COL6A6: variants seen among roughly 807,000 people sequenced by gnomAD.
COL6A6 encodes the protein collagen type VI alpha 6 chain.
A neutral mutation model predicts 208.6 loss-of-function variants in COL6A6; 183 were observed. That is an observed-to-expected ratio of 0.88 (90% CI 0.78 to 0.99). COL6A6 has a LOEUF of 0.99. Ranked by LOEUF, COL6A6 falls within the 50% of genes least tolerant of loss-of-function variation. The probability of loss-of-function intolerance (pLI) is 0.00; values close to 1 mark genes in which losing one functional copy is unlikely to be tolerated. For missense variants in COL6A6, 2,816 were observed against 2,815.2 expected (o/e 1.00, Z -0.01); for synonymous variants, 973 against 1,011.8 (o/e 0.96, Z 0.73).
chr3:130,671,485 C>A (rs753389336), intron 36 of COL6A6, among the ~76,000 whole-genome samples: 7 of 152,152 alleles, frequency 4.6e-5, no homozygotes, highest in African/African-American at 7.2e-5. Context: ...GACATGAAAT[C>A]CATACCACTG....
chr3:130,565,227 C>T lies in COL6A6; in HGVS notation c.895C>T (p.Leu299Phe). 5 of 1,614,010 alleles carry T rather than the reference C, an allele frequency of 3.1e-6. No homozygotes were observed. Among genetic ancestry groups the T allele is most frequent in the South Asian group, 1.1e-5 (1 of 91,084 alleles). The change falls in exon 4 of 37, where the codon CTT (leucine) becomes TTT (phenylalanine). Residue 299 changes from leucine (L) to phenylalanine (F), a missense_variant. Leu to Phe is a conservative substitution (Grantham distance 22). Transcript: ENST00000358511. ...KSEVLQHIQNLSPRTGKAYTG... is the reference protein window; with the variant it reads ...KSEVLQHIQNFSPRTGKAYTG... ...AGAGGTTCTCCAGCATATACAGAAC[C>T]TTTCTCCCCGAACTGGGAAGGCCTA...
Position 130,594,303 on chromosome 3 carries a change from C to T in COL6A6, c.4493C>T (p.Thr1498Ile), listed in dbSNP as rs2108092880. 1 of 1,613,356 alleles carries T rather than the reference C, an allele frequency of 6.2e-7. No individual in the cohort carries two copies. The highest frequency in any genetic ancestry group is 1.1e-5 in the South Asian group (1 of 91,010). Residue 1498 changes from threonine (T) to isoleucine (I), a missense_variant, in exon 18 of 37, where the codon ACT becomes ATT. By Grantham distance (89) the Thr-to-Ile change is moderately conservative. Coordinates refer to ENST00000358511, the MANE Select transcript of COL6A6 (RefSeq NM_001102608.3). ...TAGGGAAGCCCAGGGAAGAGAGGGA[C>T]TCCTGGTGACCGTGGAGCAAAGGGC... is the stretch of plus-strand genomic sequence containing the variant. ...GSQGSPGKRG[T>I]PGDRGAKGLR...
In COL6A6 at chr3:130,571,227, G is replaced by A. The variant is rs758585053; in HGVS notation, c.2811G>A (p.Arg937=). The stretch of plus-strand genomic sequence containing the variant: ...TCAATGCCACGGCAAAGGCCTTGCG[G>A]GACAAAGGCATTCTTGTCCTGGCTG... The part of the protein sequence containing the change: ...DKLNATAKAL[R]DKGILVLAVG... Residue 937 remains arginine, a synonymous_variant, in exon 7 of 37, where the codon CGG becomes CGA. Coordinates refer to ENST00000358511, the MANE Select transcript of COL6A6 (RefSeq NM_001102608.3). 1 of 1,613,988 alleles carries A rather than the reference G, an allele frequency of 6.2e-7. No homozygotes were observed.
In COL6A6 at chr3:130,517,351, G is replaced by A. The variant is rs551924289; in HGVS notation, c.-78G>A. On this transcript the variant is annotated 5_prime_UTR_variant, in exon 1 of 37. Transcript: ENST00000358511. ...TGCGCGTCCAGAGGAAATCCGCCCC[G>A]GGCTTTCGAAGTGCAGGGCTGGGGG... is the stretch of plus-strand genomic sequence containing the variant. 4.9e-4 allele frequency among the ~76,000 whole-genome samples: 75 copies of A among 152,366 alleles called. No homozygotes were observed. Among genetic ancestry groups the A allele is most frequent in the Admixed American group, 8.5e-4 (13 of 15,306 alleles).
In COL6A6 at chr3:130,566,934, T is replaced by G. The variant is rs756964248; in HGVS notation, c.1515T>G (p.Asn505Lys). ...AGGATTTGGGAAAGGCCATTGAGAATATCAGGCAGATGGGTGGGAATACAA... is the reference window on the plus strand; with the variant it reads ...AGGATTTGGGAAAGGCCATTGAGAAGATCAGGCAGATGGGTGGGAATACAA... ...NKQDLGKAIENIRQMGGNTNT... is the reference protein window; with the variant it reads ...NKQDLGKAIEKIRQMGGNTNT... Residue 505 changes from asparagine (N) to lysine (K), a missense_variant, in exon 5 of 37, where the codon AAT becomes AAG. Coordinates refer to ENST00000358511, the MANE Select transcript of COL6A6 (RefSeq NM_001102608.3). 6.2e-7 allele frequency: 1 copy of G among 1,613,936 alleles called. No homozygotes were observed. The highest frequency in any genetic ancestry group is 1.1e-5 in the South Asian group (1 of 91,082).
intron 12 of COL6A6, among the ~76,000 whole-genome samples, chr3:130,590,299 ATTTTTTTTTTTTTTTTTTT>A (rs71133610): frequency 0.011 from 101 of 9,158 alleles, 2 homozygotes; most frequent in East Asian, 0.038. Context: ...ATATATATAT[ATTTTTTTTTTTTTTTTTTT>A]TTTTTTTTTT....
In COL6A6 at chr3:130,535,114, T is replaced by C. The variant is rs140371825; in HGVS notation, c.-32+17717T>C. Among the ~76,000 whole-genome samples, 438 of 78,524 alleles carry C rather than the reference T, an allele frequency of 5.6e-3. 5 individuals carry two copies. Among genetic ancestry groups the C allele is most frequent in the African/African-American group, 0.011 (419 of 36,484 alleles). 51.5% of individuals were successfully genotyped at this position (78,524 alleles called of 152,430 possible). A position where few individuals can be genotyped will look rare whatever the true frequency, so the allele number is the denominator to read the frequency against. On this transcript the variant is annotated intron_variant, in intron 1 of 36. Coordinates refer to ENST00000358511, the MANE Select transcript of COL6A6 (RefSeq NM_001102608.3). Reference sequence around the variant, plus strand: ...CCATGACCTCCTCAGACATTGCCTCTCATTCTCTTTTTTCCCCCTCACTAT... The same window carrying C: ...CCATGACCTCCTCAGACATTGCCTCCCATTCTCTTTTTTCCCCCTCACTAT...
rs777867254 is a variant in COL6A6 at position 130,565,401 on chromosome 3, C to A, written c.1069C>A (p.Arg357=). ...NVTKAAVNLR[R]EGVTIFTLGI... ...GACAAAAGCAGCTGTTAACCTCCGACGGGAGGGTGTGACCATCTTCACCCT... is the reference window on the plus strand; with the variant it reads ...GACAAAAGCAGCTGTTAACCTCCGAAGGGAGGGTGTGACCATCTTCACCCT... Residue 357 remains arginine, a synonymous_variant, in exon 4 of 37, where the codon CGG becomes AGG. Transcript: ENST00000358511. The A allele has an allele frequency of 1.2e-6, 2 of 1,613,886 alleles. No individual in the cohort carries two copies. The highest frequency in any genetic ancestry group is 1.7e-6 in the Non-Finnish European group (2 of 1,179,868).
chr3:130,668,860 A>G (rs1482085991), intron 36 of COL6A6, among the ~76,000 whole-genome samples: 16 of 152,248 alleles, frequency 1.1e-4, no homozygotes, highest in Admixed American at 8.5e-4. Context: ...ATTAGTAATG[A>G]TATAAAAGAT....
chr3:130,564,684 G>A (rs1559995091), intron 3 of COL6A6, among the ~76,000 whole-genome samples: 6 of 152,146 alleles, frequency 3.9e-5, no homozygotes. Flanking sequence ...GATAGCAATG[G>A]CTATGGTTCA....
chr3:130,567,296 C>T lies in COL6A6; in HGVS notation c.1843+34C>T, dbSNP rs751017970. On this transcript the variant is annotated intron_variant, in intron 5 of 36. Transcript: ENST00000358511. ...AATCGTGGCTTTACCTACTGACCTT[C>T]ACTCGCAAATTGCTATCCTGGCAAT... 14 of 1,501,882 alleles carry T rather than the reference C, an allele frequency of 9.3e-6. No homozygotes were observed. In the South Asian group the frequency reaches 1.1e-4, roughly 12 times the overall value. The allele number at this position is 1,501,882 out of a possible 1,614,324, so 93.0% of individuals were successfully genotyped here. A position where few individuals can be genotyped will look rare whatever the true frequency, so the allele number is the denominator to read the frequency against.
In COL6A6 at chr3:130,662,309, G is replaced by T. The variant is rs201329510; in HGVS notation, c.6502+1G>T. Reference sequence around the variant, plus strand: ...AAGTCCTTTATAAACTCAATCAGGCGTAAGTCATAAAATCTGTTGTTCTCT... The same window carrying T: ...AAGTCCTTTATAAACTCAATCAGGCTTAAGTCATAAAATCTGTTGTTCTCT... On this transcript the variant is annotated splice_donor_variant, in intron 35 of 36. Transcript: ENST00000358511. LOFTEE classifies it high-confidence loss of function. 6.2e-7 allele frequency: 1 copy of T among 1,607,900 alleles called. No homozygotes were observed. Among genetic ancestry groups the T allele is most frequent in the African/African-American group, 1.3e-5 (1 of 74,756 alleles).
chr3:130,531,548 A>T (rs2062096587), intron 1 of COL6A6, among the ~76,000 whole-genome samples: 1 of 152,184 alleles, frequency 6.6e-6, no homozygotes, highest in Admixed American at 6.5e-5. Flanking sequence ...ACTGTCCACA[A>T]AGTCTGGCTC....
intron 17 of COL6A6, 58 bp from the exon 18 acceptor site, chr3:130,594,223 T>C: frequency 7.9e-7 from 1 of 1,271,120 alleles, no homozygotes. Flanking sequence ...AGCTCTGTTT[T>C]TATTAATTTT....
rs201087058 is a variant in COL6A6, at chr3:130,568,595, C to A, written c.2392C>A (p.Pro798Thr). 7.5e-6 allele frequency: 12 copies of A among 1,597,046 alleles called. No homozygotes were observed. Among genetic ancestry groups the A allele is most frequent in the Admixed American group, 1.7e-5 (1 of 59,794 alleles). Residue 798 changes from proline (P) to threonine (T), a missense_variant, in exon 6 of 37, where the codon CCC becomes ACC. Coordinates refer to ENST00000358511, the MANE Select transcript of COL6A6 (RefSeq NM_001102608.3). ...TGATCTTGTTTTTGGAATATGCAGC[C>A]CCCGTGAAGGTAGGCATGGGCATAC... ...EDDLVFGICS[P>T]REECKRIEVL...
At chr3:130,641,794 C>G in intron 29 of COL6A6, 80 bp downstream of exon 29, 1 of 768,262 alleles carries the variant, frequency 1.3e-6, no homozygotes, top group Non-Finnish European at 2.1e-6. Context: ...CTTCATTGTC[C>G]AAATGTGCAT....
chr3:130,552,027 G>A (rs2062653934), intron 1 of COL6A6, among the ~76,000 whole-genome samples: 1 of 152,054 alleles, frequency 6.6e-6, no homozygotes, highest in Non-Finnish European at 1.5e-5. Flanking sequence ...TGTGGTTGGT[G>A]TGATTTTAGT....
At position 130,581,003 on chromosome 3, in the gene COL6A6, G is replaced by C. The variant is rs932653028; in HGVS notation, c.3548-558G>C. 1.3e-4 allele frequency among the ~76,000 whole-genome samples: 18 copies of C among 143,718 alleles called. 1 individual carries two copies. Among genetic ancestry groups the C allele is most frequent in the Non-Finnish European group, 3.1e-5 (2 of 65,268 alleles). 94.3% of individuals were successfully genotyped at this position (143,718 alleles called of 152,430 possible). A position where few individuals can be genotyped will look rare whatever the true frequency, so the allele number is the denominator to read the frequency against. ...CTCAAAGGATCTCCTGAATTTTTTA[G>C]TTTTTTTTTTTTTCTTTTCTGCATG... On this transcript the variant is annotated intron_variant, in intron 8 of 36. Coordinates refer to ENST00000358511, the MANE Select transcript of COL6A6 (RefSeq NM_001102608.3).
intron 20 of COL6A6, among the ~76,000 whole-genome samples, chr3:130,604,943 C>T (rs1037672412): frequency 1.3e-5 from 2 of 152,160 alleles, no homozygotes; most frequent in African/African-American, 4.8e-5. Context: ...GGGGTCTGAC[C>T]ATGTACTTTT....
Sources: gnomAD v4.1 joint callset for allele counts (sites outside exome capture counted in the v4.1 genomes callset) on GRCh38, gnomAD v4.1.1 for gene constraint, MANE v1.5 for transcripts, NCBI Gene and HGNC (gene_info 2026-07-23, HGNC 2026-07-21) for gene names.